DST: variants seen among roughly 807,000 people sequenced by gnomAD.
DST encodes the protein dystonin.
DST carries 253 observed loss-of-function variants against 875.2 expected under a neutral mutation model. That is an observed-to-expected ratio of 0.29 (90% confidence interval 0.26 to 0.32). The LOEUF (loss-of-function observed/expected upper bound fraction) is 0.32, where lower values mean the gene tolerates loss of function less well. Ranked by LOEUF, DST falls within the 10% of genes least tolerant of loss-of-function variation. DST has a pLI of 1.00. For synonymous variants in DST, 3,124 were observed against 3,197.1 expected, an observed-to-expected ratio of 0.98 and a Z score of 0.77; for missense variants, 8,287 against 9,111.6, an observed-to-expected ratio of 0.91 and a Z score of 3.68.
intron 3 of DST, among the ~76,000 whole-genome samples, chr6:56,877,881 T>C (rs866184498): frequency 6.6e-6 from 1 of 152,198 alleles, no homozygotes; most frequent in Non-Finnish European, 1.5e-5. Context: ...TTAGAATAAT[T>C]TGACATTGCT....
At position 56,860,788 on chromosome 6, in the gene DST, G is replaced by T. The variant is rs74953344; in HGVS notation, c.418-9184C>A. On this transcript the variant is annotated intron_variant, in intron 3 of 103. Transcript: ENST00000680361. ...AGAGACACAGAAACTAGAAGTTATT[G>T]CAACTGTGTCACCTTAATAACAGCT... 3.4e-3 allele frequency among the ~76,000 whole-genome samples: 519 copies of T among 152,280 alleles called. 3 individuals carry two copies. Among genetic ancestry groups the T allele is most frequent in the African/African-American group, 0.012 (503 of 41,570 alleles).
chr6:56,779,640 G>C (rs2099687805), intron 4 of DST, among the ~76,000 whole-genome samples: 1 of 151,686 alleles, frequency 6.6e-6, no homozygotes, highest in Non-Finnish European at 1.5e-5. Flanking sequence ...ATTAAATAGG[G>C]AATCATTTCC....
intron 10 of DST, among the ~76,000 whole-genome samples, chr6:56,655,731 A>C (rs1325377660): frequency 2.0e-5 from 3 of 152,078 alleles, no homozygotes; most frequent in Non-Finnish European, 4.4e-5. Context: ...TCCACTGCAT[A>C]CCTCACCCCC....
At chr6:56,874,924 A>G (rs1778970495) in intron 3 of DST, among the ~76,000 whole-genome samples, 1 of 152,204 alleles carries the variant, frequency 6.6e-6, no homozygotes, top group Admixed American at 6.5e-5. Context: ...ACACAAACAC[A>G]TAACCTTCTA....
chr6:56,595,175 C>T (rs901114349), intron 47 of DST, among the ~76,000 whole-genome samples: 1 of 152,142 alleles, frequency 6.6e-6, no homozygotes, highest in Non-Finnish European at 1.5e-5. Context: ...TACCCCAGAG[C>T]CCCTTTTATT....
intron 9 of DST, among the ~76,000 whole-genome samples, chr6:56,696,966 A>G (rs1489233885): frequency 6.6e-6 from 1 of 152,072 alleles, no homozygotes; most frequent in Admixed American, 6.5e-5. Context: ...CGATAAAATC[A>G]GTGATCACTT....
chr6:56,948,633 C>T (rs571803800), intron 2 of DST, among the ~76,000 whole-genome samples: 50 of 152,314 alleles, frequency 3.3e-4, no homozygotes, highest in African/African-American at 1.2e-3. Context: ...CAAAACCACA[C>T]AGAAGAGGGG....
At position 56,645,926 on chromosome 6, in the gene DST, C is replaced by A. The variant is rs1390329747; in HGVS notation, c.1718G>T (p.Trp573Leu). 1 of 1,613,826 alleles carries A rather than the reference C, an allele frequency of 6.2e-7. No individual in the cohort carries two copies. Among genetic ancestry groups the A allele is most frequent in the Admixed American group, 1.7e-5 (1 of 60,006 alleles). ...GYHPNDIEKE[W>L]GKLIIAMLER... ...TAGCATGGCAATAATGAGTTTCCCC[C>A]ACTCTTTTTCTATGTCATTTGGATG... Residue 573 changes from tryptophan (W) to leucine (L), a missense_variant, in exon 15 of 104, where the codon TGG becomes TTG. By Grantham distance (61) the Trp-to-Leu change is moderately conservative. Transcript: ENST00000680361.
intron 2 of DST, among the ~76,000 whole-genome samples, chr6:56,948,803 T>A (rs1820927995): frequency 6.6e-6 from 1 of 152,236 alleles, no homozygotes; most frequent in East Asian, 1.9e-4. Context: ...ACGCTAATGA[T>A]GCTTTTTTCT....
chr6:56,704,694 C>G (rs899087701), intron 5 of DST, among the ~76,000 whole-genome samples: 1 of 152,152 alleles, frequency 6.6e-6, no homozygotes, highest in Non-Finnish European at 1.5e-5. Context: ...ATTCCCGATA[C>G]AGTGACCAGT....
At chr6:56,703,561 C>T (rs78579493) in intron 7 of DST, 87 bp downstream of exon 7, 9 of 417,520 alleles carry the variant, frequency 2.2e-5, no homozygotes, top group South Asian at 1.0e-4. Context: ...TAAAAAGGAG[C>T]CTGAACCCAG....
At position 56,603,698 on chromosome 6, in the gene DST, G is replaced by A. The variant is rs2098467261; in HGVS notation, c.10807C>T (p.Gln3603Ter). The change falls in exon 41 of 104, where the codon CAG becomes TAG. Residue 3603 changes from glutamine (Q) to a stop codon, truncating the protein, a stop_gained. Transcript: ENST00000680361. LOFTEE classifies it high-confidence loss of function. ...SSTEQFSSEL[Q>*]QCLQHTEKMH... ...TTTTCAGTGTGCTGTAAACACTGCT[G>A]TAATTCACTGGAAAACTAAAAACAA... 7 of 1,595,848 alleles carry A rather than the reference G, an allele frequency of 4.4e-6. No homozygotes were observed. The highest frequency in any genetic ancestry group is 2.7e-5 in the African/African-American group (2 of 73,420).
chr6:56,554,330 G>C (rs13194746), intron 60 of DST, among the ~76,000 whole-genome samples: 2 of 151,440 alleles, frequency 1.3e-5, no homozygotes, highest in African/African-American at 4.9e-5. Flanking sequence ...GTGATCCGCC[G>C]GCCTCGGCCT....
Position 56,608,719 on chromosome 6 carries a change from A to C in DST, c.5909T>G (p.Leu1970Ter). The change falls in exon 40 of 104, where the codon TTA becomes TGA. Residue 1970 changes from leucine (L) to a stop codon, truncating the protein, a stop_gained. Coordinates refer to ENST00000680361, the MANE Select transcript of DST (RefSeq NM_001374736.1). LOFTEE classifies it high-confidence loss of function. ...TLKCGRNISI[L>*]RAAHEGLIDR... ...TATGAGACCTTCATGAGCTGCTCTT[A>C]AAATGCTTATGTTTCTTCCACATTT... The C allele has an allele frequency of 6.2e-7, 1 of 1,611,596 alleles. No homozygotes were observed. The highest frequency in any genetic ancestry group is 8.5e-7 in the Non-Finnish European group (1 of 1,178,752).
chr6:56,866,638 ATG>A (rs966785975), intron 3 of DST, among the ~76,000 whole-genome samples: 1 of 152,134 alleles, frequency 6.6e-6, no homozygotes, highest in Non-Finnish European at 1.5e-5. Flanking sequence ...CAATTACTCT[ATG>A]CCCCTTATCC....
rs2096868248 is a variant in DST, at chr6:56,530,065, T to A, written c.17177A>T (p.Glu5726Val). The A allele has an allele frequency of 6.2e-7, 1 of 1,613,218 alleles. No homozygotes were observed. Among genetic ancestry groups the A allele is most frequent in the Non-Finnish European group, 8.5e-7 (1 of 1,179,560 alleles). The change falls in exon 65 of 104, where the codon GAG becomes GTG. Residue 5726 changes from glutamate to valine, a missense_variant. Glu to Val is a moderately radical substitution (Grantham distance 121, BLOSUM62 -2). Coordinates refer to ENST00000680361, the MANE Select transcript of DST (RefSeq NM_001374736.1). ...CCTCTTTTCTATGGTTGTAAGCCAC[T>A]CGTTCAGTGGTTCTAAGGTTTCATG... is the stretch of plus-strand genomic sequence containing the variant. ...QFHETLEPLNEWLTTIEKRLV... is the reference protein window; with the variant it reads ...QFHETLEPLNVWLTTIEKRLV...
intron 66 of DST, among the ~76,000 whole-genome samples, chr6:56,529,142 C>A (rs1043363039): frequency 1.3e-5 from 2 of 152,168 alleles, no homozygotes; most frequent in Non-Finnish European, 2.9e-5. Context: ...ACAGCATATT[C>A]CTTTTCAGAA....
At chr6:56,778,692 G>A (rs141376535) in intron 4 of DST, among the ~76,000 whole-genome samples, 1 of 151,714 alleles carries the variant, frequency 6.6e-6, no homozygotes, top group Non-Finnish European at 1.5e-5. Flanking sequence ...CTTGATCCAT[G>A]TCCCTACAAA....
chr6:56,659,350 T>G (rs2099026767), intron 10 of DST, among the ~76,000 whole-genome samples: 1 of 152,080 alleles, frequency 6.6e-6, no homozygotes, highest in Non-Finnish European at 1.5e-5. Context: ...AACTCGAGTG[T>G]TTACTGGCCT....
Sources: gnomAD v4.1 joint callset for allele counts (sites outside exome capture counted in the v4.1 genomes callset) on GRCh38, gnomAD v4.1.1 for gene constraint, MANE v1.5 for transcripts, NCBI Gene and HGNC (gene_info 2026-07-23, HGNC 2026-07-21) for gene names.